IP6K2: variants seen among roughly 807,000 people sequenced by gnomAD.
The protein encoded by IP6K2 is ATP:1D-myo-inositol-hexakisphosphate phosphotransferase.
A neutral mutation model predicts 43.3 loss-of-function variants in IP6K2; 9 were observed. That is an observed-to-expected ratio of 0.21 (90% CI 0.13 to 0.36). The LOEUF is 0.36. Ranked by LOEUF, IP6K2 falls within the 10% of genes least tolerant of loss-of-function variation. The pLI is 1.00. For synonymous variants in IP6K2, 209 were observed against 202.4 expected, an observed-to-expected ratio of 1.03 and a Z score of -0.28; for missense variants, 332 against 538.4, an observed-to-expected ratio of 0.62 and a Z score of 3.79.
chr3:48,706,473 A>C (rs944265886), intron 1 of IP6K2, among the ~76,000 whole-genome samples: 1 of 152,154 alleles, frequency 6.6e-6, no homozygotes, highest in African/African-American at 2.4e-5. Context: ...AAGAAATAAA[A>C]GATAGGATCA....
intron 1 of IP6K2, among the ~76,000 whole-genome samples, chr3:48,707,584 G>A (rs770529219): frequency 2.6e-5 from 4 of 152,170 alleles, no homozygotes; most frequent in Non-Finnish European, 4.4e-5. Context: ...ACAGGCATGC[G>A]CCACCACGCC....
chr3:48,696,049 C>A (rs971499693), intron 1 of IP6K2, among the ~76,000 whole-genome samples: 1 of 151,572 alleles, frequency 6.6e-6, no homozygotes, highest in African/African-American at 2.4e-5. Context: ...CCACACCCAG[C>A]TAATTTTTGT....
chr3:48,714,847 C>CAAA lies in IP6K2; in HGVS notation c.-131+2307_-131+2309dup, dbSNP rs61218247. Among the ~76,000 whole-genome samples the CAAA allele has an allele frequency of 2.4e-3, 234 of 99,572 alleles. 5 individuals are homozygous for CAAA. Among genetic ancestry groups the CAAA allele is most frequent in the Non-Finnish European group, 3.6e-3 (183 of 51,336 alleles). 65.3% of individuals were successfully genotyped at this position (99,572 alleles called of 152,430 possible). On this transcript the variant is annotated intron_variant, in intron 1 of 5. Transcript: ENST00000328631. ...TGGGCGACAGAGAGAGACTCCGTCT[C>CAAA]AAAAAAAAAAAAAAAAAAAAAGTAG... is the stretch of plus-strand genomic sequence containing the variant.
At chr3:48,691,642 C>A (rs2077792843) in intron 3 of IP6K2, among the ~76,000 whole-genome samples, 160 bp from the exon 4 acceptor site, 1 of 151,998 alleles carries the variant, frequency 6.6e-6, no homozygotes, top group African/African-American at 2.4e-5. Flanking sequence ...AGGGTGAAAC[C>A]CTGTCTCTAC....
intron 1 of IP6K2, among the ~76,000 whole-genome samples, chr3:48,702,729 G>A (rs1340293134): frequency 3.3e-5 from 5 of 151,988 alleles, no homozygotes; most frequent in South Asian, 4.1e-4. Context: ...CATACTCTAC[G>A]TTTCTTACTT....
chr3:48,707,729 C>T (rs1457957605), intron 1 of IP6K2, among the ~76,000 whole-genome samples: 2 of 152,164 alleles, frequency 1.3e-5, no homozygotes, highest in Non-Finnish European at 2.9e-5. Context: ...TGAGCCACTG[C>T]ACCCAGGCTC....
At chr3:48,715,355 T>C (rs1304706379) in intron 1 of IP6K2, 2 of 1,536,046 alleles carry the variant, frequency 1.3e-6, no homozygotes, top group Non-Finnish European at 1.7e-6. Flanking sequence ...CTCATCCCTG[T>C]TGCCTAGATA....
chr3:48,690,812 AGAG>A (rs386660818), intron 4 of IP6K2, among the ~76,000 whole-genome samples: 1 of 148,666 alleles, frequency 6.7e-6, no homozygotes, highest in Admixed American at 6.6e-5. Context: ...AAGAAAAAAA[AGAG>A]AGAGAGAGGA....
intron 3 of IP6K2, among the ~76,000 whole-genome samples, chr3:48,692,034 T>C (rs1457745774): frequency 1.3e-5 from 2 of 152,036 alleles, no homozygotes; most frequent in African/African-American, 4.8e-5. Context: ...GGTTTCATCA[T>C]ATTGGTCAGG....
At chr3:48,689,191 C>T (rs1041713194) in intron 5 of IP6K2, among the ~76,000 whole-genome samples, 1 of 152,196 alleles carries the variant, frequency 6.6e-6, no homozygotes, top group African/African-American at 2.4e-5. Context: ...GTCTCGCCGT[C>T]GCCCAGGCTG....
At chr3:48,691,632 A>T in intron 3 of IP6K2, 150 bp from the exon 4 acceptor site, 2 of 574,812 alleles carry the variant, frequency 3.5e-6, no homozygotes, top group Non-Finnish European at 6.1e-6. Context: ...CCTGGCCAAC[A>T]GGGTGAAACC....
chr3:48,700,325 T>C (rs1488496355), intron 1 of IP6K2, among the ~76,000 whole-genome samples: 1 of 152,156 alleles, frequency 6.6e-6, no homozygotes, highest in Admixed American at 6.6e-5. Context: ...CCAATCTCCA[T>C]GTCACCTGTT....
Position 48,688,729 on chromosome 3 carries a change from G to A in IP6K2, c.825C>T (p.Tyr275=), listed in dbSNP as rs1043229533. Residue 275 remains tyrosine, a synonymous_variant, in exon 6 of 6, where the codon TAC becomes TAT. Transcript: ENST00000328631. The surrounding 1 kb of genome is among the most constrained non-coding windows in gnomAD (Gnocchi z 5.1). ...GSGQLMFMNK[Y]HGRKLSVQGF... ...CCTGCACCGATAGCTTCCGTCCATGGTACTTGTTCATGAACATGAGCTGCC... is the reference window on the plus strand; with the variant it reads ...CCTGCACCGATAGCTTCCGTCCATGATACTTGTTCATGAACATGAGCTGCC... 1.9e-6 allele frequency: 3 copies of A among 1,613,842 alleles called. No individual in the cohort carries two copies. In the African/African-American group the frequency reaches 4.0e-5, roughly 22 times the overall value.
chr3:48,689,757 A>G (rs2077607725), intron 4 of IP6K2, 44 bp from the exon 5 acceptor site: 6 of 1,565,314 alleles, frequency 3.8e-6, no homozygotes, highest in African/African-American at 1.4e-5. Flanking sequence ...GTGCTACTGC[A>G]TGGGTCCTTG....
chr3:48,692,808 AG>A, intron 3 of IP6K2, 145 bp downstream of exon 3: 1 of 672,030 alleles, frequency 1.5e-6, no homozygotes, highest in Non-Finnish European at 2.7e-6. Context: ...AGAGAGGCTG[AG>A]TATGCCATGT....
At chr3:48,693,322 A>T in intron 2 of IP6K2, 143 bp from the exon 3 acceptor site, 1 of 1,098,678 alleles carries the variant, frequency 9.1e-7, no homozygotes. Context: ...CTGCAAACTT[A>T]ACAAATATCA....
chr3:48,701,163 A>G (rs2078986285), intron 1 of IP6K2, among the ~76,000 whole-genome samples: 1 of 152,042 alleles, frequency 6.6e-6, no homozygotes, highest in Admixed American at 6.6e-5. Context: ...TGAGGTCAGG[A>G]GTTTGAAACC....
chr3:48,715,259 G>A, intron 1 of IP6K2: 1 of 1,532,426 alleles, frequency 6.5e-7, no homozygotes, highest in Non-Finnish European at 8.7e-7. Flanking sequence ...TCACTTAAAG[G>A]GAAAATTCTT....
intron 2 of IP6K2, chr3:48,694,700 A>G: frequency 6.7e-7 from 1 of 1,503,714 alleles, no homozygotes; most frequent in Non-Finnish European, 8.8e-7. Context: ...CTACCTAATT[A>G]CCCGGGCTTC....
Sources: allele counts gnomAD v4.1 joint callset (sites outside exome capture counted in the v4.1 genomes callset), GRCh38; gene constraint gnomAD v4.1.1; non-coding constraint Gnocchi (gnomAD v3.1); transcripts MANE v1.5; gene names NCBI Gene and HGNC (gene_info 2026-07-23, HGNC 2026-07-21).